FN1: variants seen among roughly 807,000 people sequenced by gnomAD.
FN1 encodes fibronectin 1, also known as fibronectin.
Under a neutral mutation model 297.3 loss-of-function variants are expected in FN1, and 106 were observed. That is an observed-to-expected ratio of 0.36 (90% CI 0.30 to 0.42). The LOEUF is 0.42. Among genes scored for constraint, FN1 ranks in the 10% least tolerant of loss-of-function variants. FN1 has a pLI of 1.00. For missense variants in FN1, 2,690 were observed against 3,124.9 expected, an observed-to-expected ratio of 0.86 and a Z score of 3.32; for synonymous variants, 1,149 against 1,152.6, an observed-to-expected ratio of 1.00 and a Z score of 0.06.
Position 215,361,643 on chromosome 2 carries a change from A to G in FN1, c.7363-17T>C. ...ATTAACATTCTGTTAAAAAGGAAGA[A>G]GGAAAAAAAAATTAGTGGCAAATAC... On this transcript the variant is annotated splice_polypyrimidine_tract_variant and intron_variant, in intron 45 of 45. Transcript: ENST00000354785. The G allele has an allele frequency of 6.3e-7, 1 of 1,596,166 alleles. No individual in the cohort carries two copies. The highest frequency in any genetic ancestry group is 8.6e-7 in the Non-Finnish European group (1 of 1,163,618).
rs1559475621 is a variant in FN1 at position 215,401,246 on chromosome 2, G to GAAA, written c.3254-1898_3254-1896dup. Among the ~76,000 whole-genome samples the GAAA allele has an allele frequency of 3.8e-3, 244 of 63,470 alleles. 10 individuals are homozygous for GAAA. Among genetic ancestry groups the GAAA allele is most frequent in the African/African-American group, 0.015 (232 of 15,982 alleles). 41.6% of individuals were successfully genotyped at this position (63,470 alleles called of 152,430 possible). On this transcript the variant is annotated intron_variant, in intron 20 of 45. Transcript: ENST00000354785. ...AGAAAGAAAGAAAGAAAGAAAGAAAGAAAGGAAGAAAGAAAGGAAGGAAAG... is the reference window on the plus strand; with the variant it reads ...AGAAAGAAAGAAAGAAAGAAAGAAAGAAAAAAGGAAGAAAGAAAGGAAGGAAAG...
chr2:215,399,404 C>G, intron 20 of FN1, 53 bp from the exon 21 acceptor site: 1 of 1,159,228 alleles, frequency 8.6e-7, no homozygotes, highest in Non-Finnish European at 1.3e-6. Flanking sequence ...CAGATGATTG[C>G]ATAGCATATA....
rs756996869 is a variant in FN1, at chr2:215,433,452, G to A, written c.287C>T (p.Thr96Ile). 5 of 1,614,082 alleles carry A rather than the reference G, an allele frequency of 3.1e-6. No homozygotes were observed. The East Asian group carries it at 6.7e-5, about 22-fold the overall frequency. The change falls in exon 3 of 46, where the codon ACT becomes ATT. Residue 96 changes from threonine (T) to isoleucine (I), a missense_variant. Physicochemically the swap from Thr to Ile is moderately conservative, Grantham distance 89. Coordinates refer to ENST00000354785, the MANE Select transcript of FN1 (RefSeq NM_212482.4). Reference protein sequence around the residue: ...NCESKPEAEETCFDKYTGNTY... With the variant: ...NCESKPEAEEICFDKYTGNTY... ...GTTCCCAGTGTACTTGTCAAAGCAA[G>A]TCTCTTCAGCTGAGGGGAAAAGGAA...
At position 215,417,763 on chromosome 2, in the gene FN1, G is replaced by T. The variant is rs115578253; in HGVS notation, c.1819+1479C>A. Among the ~76,000 whole-genome samples, 41 of 152,248 alleles carry T rather than the reference G, an allele frequency of 2.7e-4. 1 individual carries two copies. The highest frequency in any genetic ancestry group is 5.1e-4 in the Non-Finnish European group (35 of 68,028). On this transcript the variant is annotated intron_variant, in intron 12 of 45. Coordinates refer to ENST00000354785, the MANE Select transcript of FN1 (RefSeq NM_212482.4). ...CTCCTTTTTAAAGAGTAGGAGTAAG[G>T]TCAACATGTAATACTCCAATACTCA...
chr2:215,435,018 T>G (rs921345022), intron 1 of FN1, among the ~76,000 whole-genome samples, 194 bp from the exon 2 acceptor site: 1 of 152,212 alleles, frequency 6.6e-6, no homozygotes, highest in Non-Finnish European at 1.5e-5. Context: ...GGCAGACAAT[T>G]GAAGTCACAT....
intron 19 of FN1, 145 bp from the exon 20 acceptor site, chr2:215,404,800 G>T: frequency 2.6e-6 from 2 of 770,036 alleles, no homozygotes; most frequent in Non-Finnish European, 4.3e-6. Flanking sequence ...AACTGAGCCA[G>T]TAAGAGATTG....
chr2:215,414,608 A>C (rs2063166057), intron 13 of FN1: 1 of 1,050,526 alleles, frequency 9.5e-7, no homozygotes, highest in Non-Finnish European at 1.3e-6. Flanking sequence ...TCTTCCAAAT[A>C]CCAGCCCCCC....
chr2:215,375,662 G>A lies in FN1; in HGVS notation c.5944C>T (p.Arg1982Trp), dbSNP rs775137387. ...IYLYTLNDNARSSPVVIDAST... is the reference protein window; with the variant it reads ...IYLYTLNDNAWSSPVVIDAST... ...GCGTCGATGACCACAGGGGAGCTCCGAGCATTGTCATTCAAGGTGTACAGG... is the reference window on the plus strand; with the variant it reads ...GCGTCGATGACCACAGGGGAGCTCCAAGCATTGTCATTCAAGGTGTACAGG... Residue 1982 changes from arginine to tryptophan, a missense_variant, in exon 37 of 46, where the codon CGG (arginine) becomes TGG (tryptophan). Physicochemically the swap from Arg to Trp is moderately radical, Grantham distance 101. This residue lies in a region of FN1 where 1,743 missense variants were observed against 1,945.2 expected (regional missense o/e 0.90). Transcript: ENST00000354785. The A allele has an allele frequency of 4.3e-6, 7 of 1,613,298 alleles. No homozygotes were observed. The Admixed American group carries it at 5.0e-5, about 12-fold the overall frequency.
intron 4 of FN1, among the ~76,000 whole-genome samples, chr2:215,431,424 G>C (rs1246944602): frequency 6.6e-6 from 1 of 152,180 alleles, no homozygotes; most frequent in Non-Finnish European, 1.5e-5. Context: ...GAAAAGAAAT[G>C]AGCAGAGTGT....
In FN1 at chr2:215,399,273, G is replaced by T. The variant is rs1406642773; in HGVS notation, c.3332C>A (p.Pro1111Gln). 6.2e-7 allele frequency: 1 copy of T among 1,613,186 alleles called. No individual in the cohort carries two copies. The highest frequency in any genetic ancestry group is 1.1e-5 in the South Asian group (1 of 91,064). The change falls in exon 21 of 46, where the codon CCA becomes CAA. Residue 1111 changes from proline to glutamine, a missense_variant. Around this residue, in one of 3 missense-constraint regions of FN1, gnomAD observed 1,743 missense variants for 1,945.2 expected, o/e 0.90. Coordinates refer to ENST00000354785, the MANE Select transcript of FN1 (RefSeq NM_212482.4). ...GCAGTTTACCTTAAAACCAATTCTT[G>T]GAGCAGGCGTCCATGTGATCACAAT... ...TTIVITWTPA[P>Q]RIGFKLGVRP...
At position 215,372,134 on chromosome 2, in the gene FN1, C is replaced by A. The variant is rs200118074; in HGVS notation, c.6489G>T (p.Arg2163Ser). The change falls in exon 40 of 46, where the codon AGG (arginine) becomes AGT (serine). Residue 2163 changes from arginine (R) to serine (S), a missense_variant. Transcript: ENST00000354785. ...PPTTATPIRH[R>S]PRPYPPNVGE... ...CTACATTCGGCGGGTATGGTCTTGG[C>A]CTATGCCTTATGGGGGTGGCCGTTG... 23 of 1,614,096 alleles carry A rather than the reference C, an allele frequency of 1.4e-5. No homozygotes were observed.
Position 215,406,467 on chromosome 2 carries a change from T to C in FN1, c.2757A>G (p.Thr919=). 1 of 1,614,140 alleles carries C rather than the reference T, an allele frequency of 6.2e-7. No individual in the cohort carries two copies. The highest frequency in any genetic ancestry group is 8.5e-7 in the Non-Finnish European group (1 of 1,180,024). The change falls in exon 19 of 46, where the codon ACA becomes ACG. Residue 919 remains threonine, a synonymous_variant. Transcript: ENST00000354785. The part of the protein sequence containing the change: ...SPRDLQFVEV[T]DVKVTIMWTP... ...TCCACATGATGGTGACCTTCACGTCTGTCACTTCCACAAACTGCAGGTCCC... is the reference window on the plus strand; with the variant it reads ...TCCACATGATGGTGACCTTCACGTCCGTCACTTCCACAAACTGCAGGTCCC...
chr2:215,424,988 T>C, intron 7 of FN1, 106 bp downstream of exon 7: 6 of 1,024,242 alleles, frequency 5.9e-6, no homozygotes, highest in Non-Finnish European at 7.7e-6. Flanking sequence ...GGTGGTAAGA[T>C]TACAGGCTTC....
At position 215,420,887 on chromosome 2, in the gene FN1, C is replaced by T. The variant is rs547398196; in HGVS notation, c.1547-86G>A. 1.0e-5 allele frequency: 12 copies of T among 1,165,474 alleles called. No individual in the cohort carries two copies. In the African/African-American group the frequency reaches 1.4e-4, roughly 13 times the overall value. The allele number at this position is 1,165,474 out of a possible 1,614,324, so 72.2% of individuals were successfully genotyped here. ...AAGGTATGCTTCTCAAAGCATACAA[C>T]TACTTCCACTTAATTATCAACACCT... On this transcript the variant is annotated intron_variant, in intron 10 of 45. Coordinates refer to ENST00000354785, the MANE Select transcript of FN1 (RefSeq NM_212482.4).
intron 17 of FN1, 59 bp from the exon 18 acceptor site, chr2:215,407,380 A>C: frequency 7.3e-7 from 1 of 1,375,714 alleles, no homozygotes; most frequent in South Asian, 1.2e-5. Context: ...AGGCTTAGAA[A>C]CACCATAAAT....
intron 35 of FN1, 84 bp from the exon 36 acceptor site, chr2:215,376,758 A>G (rs1330663045): frequency 4.2e-6 from 5 of 1,192,124 alleles, no homozygotes; most frequent in Non-Finnish European, 6.1e-6. Flanking sequence ...TCCTTGGTAT[A>G]TATCAAATTC....
rs779541074 is a variant in FN1, at chr2:215,373,399, C to T, written c.6170G>A (p.Gly2057Glu). The T allele has an allele frequency of 6.2e-7, 1 of 1,612,922 alleles. No individual in the cohort carries two copies. Among genetic ancestry groups the T allele is most frequent in the Non-Finnish European group, 8.5e-7 (1 of 1,179,218 alleles). The change falls in exon 39 of 46, where the codon GGA (glycine) becomes GAA (glutamate). Residue 2057 changes from glycine (G) to glutamate (E), a missense_variant. Coordinates refer to ENST00000354785, the MANE Select transcript of FN1 (RefSeq NM_212482.4). ...AATGACATAAATTGTATATTCGGTT[C>T]CCGGTTCCAGGCCTGAAGGGAGAAT... ...TEATITGLEP[G>E]TEYTIYVIAL...
intron 2 of FN1, among the ~76,000 whole-genome samples, chr2:215,434,332 C>T (rs754601154): frequency 6.6e-6 from 1 of 152,156 alleles, no homozygotes; most frequent in Non-Finnish European, 1.5e-5. Context: ...TGTAAGTCCC[C>T]AAAGTGTTTT....
intron 12 of FN1, among the ~76,000 whole-genome samples, chr2:215,417,235 A>T (rs2063556032): frequency 6.6e-6 from 1 of 152,236 alleles, no homozygotes; most frequent in African/African-American, 2.4e-5. Context: ...AGCTATCGCC[A>T]TTGTGAAATC....
Sources: allele counts gnomAD v4.1 joint callset (sites outside exome capture counted in the v4.1 genomes callset), GRCh38; gene constraint gnomAD v4.1.1; regional missense constraint gnomAD v4.1.1; transcripts MANE v1.5; gene names NCBI Gene and HGNC (gene_info 2026-07-23, HGNC 2026-07-21).